Variants in DLGAP2 observed in about 807,000 individuals in gnomAD.
DLGAP2 encodes the protein disks large-associated protein 2.
DLGAP2 carries 26 observed loss-of-function variants against 100.3 expected under a neutral mutation model. That is an observed-to-expected ratio of 0.26 (90% CI 0.19 to 0.36). The LOEUF is 0.36. DLGAP2 is among the 10% of genes least tolerant of loss of function. The pLI is 1.00. For synonymous variants in DLGAP2, 886 were observed against 630.1 expected (o/e 1.41, Z -6.08); for missense variants, 1,858 against 1,453.2 (o/e 1.28, Z -4.53).
chr8:872,520 T>A (rs1797618037), intron 1 of DLGAP2, among the ~76,000 whole-genome samples: 2 of 151,924 alleles, frequency 1.3e-5, no homozygotes, highest in South Asian at 4.2e-4. Context: ...TTAGTAGAGA[T>A]GGGGTTTCTC....
chr8:1,161,504 GT>G (rs1231424765), intron 2 of DLGAP2, among the ~76,000 whole-genome samples: 5 of 152,338 alleles, frequency 3.3e-5, no homozygotes, highest in African/African-American at 1.2e-4. Flanking sequence ...GTTGGGATGT[GT>G]GGGGGCCGGC....
chr8:1,356,960 G>A (rs1056312098), intron 3 of DLGAP2, among the ~76,000 whole-genome samples: 24 of 152,302 alleles, frequency 1.6e-4, no homozygotes, highest in African/African-American at 5.8e-4. Flanking sequence ...GAGCAGCTGC[G>A]AGGGCTGAGG....
At chr8:1,174,189 A>G (rs1797199142) in intron 2 of DLGAP2, among the ~76,000 whole-genome samples, 3 of 152,064 alleles carry the variant, frequency 2.0e-5, no homozygotes, top group African/African-American at 7.2e-5. Context: ...ATTTTCCAGG[A>G]TTCTAAGGAA....
chr8:1,449,058 G>T (rs919808413), intron 3 of DLGAP2, among the ~76,000 whole-genome samples: 1 of 152,192 alleles, frequency 6.6e-6, no homozygotes, highest in Non-Finnish European at 1.5e-5. Context: ...GGCACATCCC[G>T]GCCCCCCAGA....
chr8:1,241,361 G>C (rs893930495), intron 2 of DLGAP2, among the ~76,000 whole-genome samples: 18 of 145,266 alleles, frequency 1.2e-4, no homozygotes, highest in African/African-American at 4.8e-4. Flanking sequence ...GCCGTGTCTA[G>C]TTCTCTCACA....
chr8:1,417,560 A>T (rs1380776882), intron 3 of DLGAP2, among the ~76,000 whole-genome samples: 1 of 148,524 alleles, frequency 6.7e-6, no homozygotes, highest in Non-Finnish European at 1.5e-5. Context: ...GAAGCCCAGA[A>T]CAGGGGAGGA....
chr8:985,139 A>G (rs1051598737), intron 2 of DLGAP2, among the ~76,000 whole-genome samples: 2 of 152,168 alleles, frequency 1.3e-5, no homozygotes, highest in Admixed American at 6.5e-5. Context: ...GGTATTTCCA[A>G]GGTCCCTGGC....
intron 5 of DLGAP2, among the ~76,000 whole-genome samples, chr8:1,557,778 C>G (rs1802017377): frequency 6.6e-6 from 1 of 152,234 alleles, no homozygotes. Context: ...CTCTGTCTGT[C>G]TGTGACCTCA....
intron 3 of DLGAP2, among the ~76,000 whole-genome samples, chr8:1,383,815 A>G (rs1306264120): frequency 2.0e-5 from 3 of 152,246 alleles, no homozygotes; most frequent in Admixed American, 6.5e-5. Context: ...AGCAGCTCCC[A>G]GCGAGCACTT....
At chr8:1,603,241 A>G (rs58081209) in intron 6 of DLGAP2, among the ~76,000 whole-genome samples, 31 of 101,816 alleles carry the variant, frequency 3.0e-4, no homozygotes, top group African/African-American at 5.8e-4. Flanking sequence ...TCTCAGTTCT[A>G]CAGAGGCTGG....
intron 1 of DLGAP2, among the ~76,000 whole-genome samples, chr8:815,932 G>T (rs1262270237): frequency 6.6e-6 from 1 of 152,138 alleles, no homozygotes; most frequent in East Asian, 1.9e-4. Flanking sequence ...ATATTTTCCT[G>T]TTGGACTAGT....
At chr8:1,670,516 C>T (rs950147460) in intron 10 of DLGAP2, among the ~76,000 whole-genome samples, 1 of 152,234 alleles carries the variant, frequency 6.6e-6, no homozygotes, top group Admixed American at 6.5e-5. Context: ...GAGGGAACTG[C>T]ACCCCCAGCC....
At chr8:880,751 G>A (rs1489646151) in intron 1 of DLGAP2, among the ~76,000 whole-genome samples, 1 of 152,224 alleles carries the variant, frequency 6.6e-6, no homozygotes, top group Non-Finnish European at 1.5e-5. Flanking sequence ...CTTTGTATGT[G>A]GGTCCTTTCT....
chr8:738,149 G>C (rs866208278), intron 1 of DLGAP2: 1 of 198,614 alleles, frequency 5.0e-6, no homozygotes, highest in African/African-American at 2.3e-5. Flanking sequence ...CCTGCCCGGG[G>C]TGGAGGGGGC....
chr8:1,554,758 C>A (rs1201868935), intron 5 of DLGAP2, among the ~76,000 whole-genome samples: 1 of 152,062 alleles, frequency 6.6e-6, no homozygotes, highest in Non-Finnish European at 1.5e-5. Flanking sequence ...CAGGAAGGAC[C>A]CACGCGCCCC....
At chr8:1,208,363 G>T (rs1484653675) in intron 2 of DLGAP2, among the ~76,000 whole-genome samples, 10 of 152,162 alleles carry the variant, frequency 6.6e-5, no homozygotes, top group South Asian at 2.1e-4. Context: ...TTAAAGATCA[G>T]TTGGCTGTAA....
In DLGAP2 at chr8:1,702,602, T is replaced by C. The variant is rs1219486313; in HGVS notation, c.*1196T>C. The C allele has an allele frequency of 6.6e-6, 1 of 152,540 alleles. No homozygotes were observed. Among genetic ancestry groups the C allele is most frequent in the East Asian group, 1.9e-4 (1 of 5,194 alleles). 9.4% of individuals were successfully genotyped at this position (152,540 alleles called of 1,614,324 possible). A position where few individuals can be genotyped will look rare whatever the true frequency, so the allele number is the denominator to read the frequency against. ...GGGAAAAAGAGGTCACATATTGTGATTTCCAGCTGTAGCATTCAAAAAAAA... is the reference window on the plus strand; with the variant it reads ...GGGAAAAAGAGGTCACATATTGTGACTTCCAGCTGTAGCATTCAAAAAAAA... On this transcript the variant is annotated 3_prime_UTR_variant, in exon 15 of 15. Transcript: ENST00000637795.
intron 3 of DLGAP2, among the ~76,000 whole-genome samples, chr8:1,365,704 C>T (rs867686399): frequency 2.0e-5 from 3 of 152,206 alleles, no homozygotes; most frequent in Admixed American, 6.5e-5. Flanking sequence ...TAGATGGAGC[C>T]GCTGCAGCCA....
At chr8:842,335 A>T (rs1189511377) in intron 1 of DLGAP2, among the ~76,000 whole-genome samples, 2 of 152,194 alleles carry the variant, frequency 1.3e-5, no homozygotes, top group Non-Finnish European at 2.9e-5. Flanking sequence ...TGCGTATGCA[A>T]TGATTGGCTT....
Sources: allele counts gnomAD v4.1 joint callset (sites outside exome capture counted in the v4.1 genomes callset), GRCh38; gene constraint gnomAD v4.1.1; transcripts MANE v1.5; gene names NCBI Gene and HGNC (gene_info 2026-07-23, HGNC 2026-07-21).